Variants in ARHGAP24 observed in about 807,000 individuals in gnomAD.
ARHGAP24 encodes the protein Rho GTPase activating protein 24.
ARHGAP24 carries 50 observed loss-of-function variants against 76.4 expected under a neutral mutation model. The ratio of observed to expected loss-of-function variants is 0.65; its 90% CI spans 0.52 to 0.83. The LOEUF is 0.83. Ranked by LOEUF, ARHGAP24 falls within the 40% of genes least tolerant of loss-of-function variation. The pLI, the probability that ARHGAP24 is intolerant of heterozygous loss-of-function variation, is 0.00. For missense variants in ARHGAP24, 930 were observed against 914.2 expected, an observed-to-expected ratio of 1.02 and a Z score of -0.22; for synonymous variants, 345 against 323.3, an observed-to-expected ratio of 1.07 and a Z score of -0.72.
intron 3 of ARHGAP24, among the ~76,000 whole-genome samples, chr4:85,824,473 G>A (rs1399520598): frequency 1.3e-5 from 2 of 152,194 alleles, no homozygotes; most frequent in Admixed American, 1.3e-4. Flanking sequence ...GAGTATCTGT[G>A]TGAAATGAAA....
intron 3 of ARHGAP24, among the ~76,000 whole-genome samples, chr4:85,894,989 C>CAAAAAAAAAAAAAAAAAAAAAAA (rs1734079077): frequency 5.8e-5 from 1 of 17,220 alleles, no homozygotes; most frequent in Non-Finnish European, 1.1e-4. Context: ...AAAAAAAAAA[C>CAAAAAAAAAAAAAAAAAAAAAAA]AAAACAAAAA....
At chr4:85,607,589 T>C (rs1444908597) in intron 2 of ARHGAP24, among the ~76,000 whole-genome samples, 1 of 151,980 alleles carries the variant, frequency 6.6e-6, no homozygotes, top group African/African-American at 2.4e-5. Flanking sequence ...CATTTAGCTA[T>C]ATTCACATAT....
intron 2 of ARHGAP24, among the ~76,000 whole-genome samples, chr4:85,591,577 T>G (rs762024315): frequency 6.6e-6 from 1 of 152,178 alleles, no homozygotes; most frequent in Non-Finnish European, 1.5e-5. Context: ...CAAGTCACAG[T>G]CATTAGTTAC....
chr4:85,953,637 G>A (rs774272821), intron 5 of ARHGAP24, among the ~76,000 whole-genome samples: 5 of 150,516 alleles, frequency 3.3e-5, no homozygotes, highest in East Asian at 3.9e-4. Flanking sequence ...ATCCACAGGC[G>A]ATTTTTTTTT....
intron 3 of ARHGAP24, among the ~76,000 whole-genome samples, chr4:85,769,937 A>G (rs1422627850): frequency 6.6e-6 from 1 of 152,124 alleles, no homozygotes; most frequent in Non-Finnish European, 1.5e-5. Context: ...AAAGGGTAGG[A>G]ACTTTAAATT....
intron 4 of ARHGAP24, among the ~76,000 whole-genome samples, chr4:85,935,376 G>A (rs1736572607): frequency 6.6e-6 from 1 of 152,148 alleles, no homozygotes; most frequent in Non-Finnish European, 1.5e-5. Context: ...TATCTATTAA[G>A]TTGTAGGTGC....
chr4:85,666,249 G>A (rs953184368), intron 2 of ARHGAP24, among the ~76,000 whole-genome samples: 16 of 151,900 alleles, frequency 1.1e-4, no homozygotes, highest in African/African-American at 2.4e-4. Flanking sequence ...TTCCCTTCTC[G>A]CTTCATTTCA....
chr4:85,783,865 A>G (rs1727676287), intron 3 of ARHGAP24, among the ~76,000 whole-genome samples: 1 of 152,156 alleles, frequency 6.6e-6, no homozygotes, highest in Non-Finnish European at 1.5e-5. Flanking sequence ...ATTTATGAAG[A>G]TGGAACCGGG....
intron 3 of ARHGAP24, among the ~76,000 whole-genome samples, chr4:85,763,406 G>A (rs1419069075): frequency 1.3e-5 from 2 of 152,108 alleles, no homozygotes; most frequent in African/African-American, 4.8e-5. Context: ...TTGCAGGGAA[G>A]CCATTAGATC....
At chr4:85,710,347 A>G (rs946187888) in intron 2 of ARHGAP24, among the ~76,000 whole-genome samples, 1 of 152,182 alleles carries the variant, frequency 6.6e-6, no homozygotes, top group African/African-American at 2.4e-5. Flanking sequence ...ATATACAAAA[A>G]TCAACTCAAA....
chr4:85,537,312 G>T (rs867729300), intron 1 of ARHGAP24, among the ~76,000 whole-genome samples: 9 of 152,242 alleles, frequency 5.9e-5, no homozygotes, highest in African/African-American at 2.2e-4. Context: ...ATTGACTATT[G>T]ATGCAAGGTC....
chr4:85,490,997 G>C (rs1008339816), intron 1 of ARHGAP24, among the ~76,000 whole-genome samples: 1 of 151,966 alleles, frequency 6.6e-6, no homozygotes, highest in Non-Finnish European at 1.5e-5. Flanking sequence ...AATATAATAG[G>C]TTTGTTTAGT....
intron 2 of ARHGAP24, among the ~76,000 whole-genome samples, chr4:85,692,541 T>G (rs1020602898): frequency 6.6e-6 from 1 of 152,222 alleles, no homozygotes; most frequent in African/African-American, 2.4e-5. Flanking sequence ...TTTTTCTTTA[T>G]TTTTGTCTGA....
chr4:85,861,599 A>T (rs370657686), intron 3 of ARHGAP24, among the ~76,000 whole-genome samples: 7 of 152,232 alleles, frequency 4.6e-5, no homozygotes, highest in African/African-American at 1.7e-4. Flanking sequence ...AAGGAGGAAA[A>T]GAGGTATAAA....
intron 1 of ARHGAP24, among the ~76,000 whole-genome samples, chr4:85,550,070 G>T (rs1216364314): frequency 6.6e-6 from 1 of 152,158 alleles, no homozygotes; most frequent in African/African-American, 2.4e-5. Flanking sequence ...ACATAAATAT[G>T]CATGTGTCTT....
chr4:85,779,829 T>TA (rs1170604887), intron 3 of ARHGAP24, among the ~76,000 whole-genome samples: 22 of 152,332 alleles, frequency 1.4e-4, no homozygotes, highest in African/African-American at 5.3e-4. Flanking sequence ...TGGTATATAA[T>TA]ATTTGCTGCT....
intron 3 of ARHGAP24, among the ~76,000 whole-genome samples, chr4:85,800,183 G>C (rs371549583): frequency 1.3e-5 from 2 of 152,164 alleles, no homozygotes; most frequent in East Asian, 3.8e-4. Flanking sequence ...AGATAAAGCT[G>C]GGTGAAGAGT....
intron 2 of ARHGAP24, among the ~76,000 whole-genome samples, chr4:85,601,285 A>G (rs565593988): frequency 6.6e-5 from 10 of 152,352 alleles, no homozygotes; most frequent in Admixed American, 5.9e-4. Context: ...TATTTGTTAA[A>G]TAAGTAAATG....
At chr4:85,637,405 T>C (rs1417730335) in intron 2 of ARHGAP24, among the ~76,000 whole-genome samples, 2 of 152,124 alleles carry the variant, frequency 1.3e-5, no homozygotes, top group East Asian at 3.9e-4. Flanking sequence ...TTTAGGTTAA[T>C]TGATATATCT....
Sources: allele counts gnomAD v4.1 joint callset (sites outside exome capture counted in the v4.1 genomes callset), GRCh38; gene constraint gnomAD v4.1.1; transcripts MANE v1.5; gene names NCBI Gene and HGNC (gene_info 2026-07-23, HGNC 2026-07-21).